FCHO2: variants seen among roughly 807,000 people sequenced by gnomAD.
The protein encoded by FCHO2 is FCH and mu domain containing endocytic adaptor 2.
A neutral mutation model predicts 114.1 loss-of-function variants in FCHO2; 43 were observed. The observed-to-expected ratio is 0.38, with a 90% CI of 0.30 to 0.49. FCHO2 has a LOEUF of 0.49. FCHO2 is among the 20% of genes least tolerant of loss of function. FCHO2 has a pLI of 0.97. For missense variants in FCHO2, 807 were observed against 950.4 expected, an observed-to-expected ratio of 0.85 and a Z score of 1.98; for synonymous variants, 293 against 315.2, an observed-to-expected ratio of 0.93 and a Z score of 0.75.
intron 2 of FCHO2, among the ~76,000 whole-genome samples, chr5:72,971,818 G>A (rs1212453733): frequency 6.6e-6 from 1 of 152,150 alleles, no homozygotes; most frequent in Non-Finnish European, 1.5e-5. Flanking sequence ...TTCTTCTAGG[G>A]TTTTTATGGT....
At chr5:73,083,940 A>C (rs2112896440) in intron 24 of FCHO2, among the ~76,000 whole-genome samples, 1 of 151,866 alleles carries the variant, frequency 6.6e-6, no homozygotes, top group African/African-American at 2.4e-5. Flanking sequence ...AGTTCTCTAA[A>C]AGAACCTTTT....
chr5:72,957,345 A>G (rs879768895), intron 1 of FCHO2, among the ~76,000 whole-genome samples: 1 of 152,182 alleles, frequency 6.6e-6, no homozygotes, highest in Non-Finnish European at 1.5e-5. Flanking sequence ...TCGTTATCCC[A>G]GAAAGAATCC....
intron 5 of FCHO2, among the ~76,000 whole-genome samples, 180 bp from the exon 6 acceptor site, chr5:73,006,265 C>T (rs1376745078): frequency 6.6e-6 from 1 of 152,050 alleles, no homozygotes; most frequent in Non-Finnish European, 1.5e-5. Flanking sequence ...GACTTCTTGG[C>T]TGACTGTAAC....
intron 22 of FCHO2, among the ~76,000 whole-genome samples, chr5:73,080,618 T>C (rs1284920147): frequency 6.6e-6 from 1 of 152,148 alleles, no homozygotes; most frequent in Non-Finnish European, 1.5e-5. Flanking sequence ...TTTCCTACTT[T>C]ATATTTCTCT....
At chr5:73,057,681 C>CTTAAA (rs1486262545) in intron 16 of FCHO2, among the ~76,000 whole-genome samples, 4 of 152,134 alleles carry the variant, frequency 2.6e-5, no homozygotes, top group Admixed American at 2.6e-4. Context: ...TTTTATACCA[C>CTTAAA]TTAAATTTTC....
chr5:73,014,287 C>T (rs58543164), intron 6 of FCHO2, among the ~76,000 whole-genome samples: 9,947 of 147,488 alleles, frequency 0.067, 559 homozygotes, highest in East Asian at 0.34. Flanking sequence ...TCTTTTTTTT[C>T]TTTTTCTTTT....
chr5:73,012,317 A>G (rs549398469), intron 6 of FCHO2, among the ~76,000 whole-genome samples: 2 of 152,248 alleles, frequency 1.3e-5, no homozygotes, highest in South Asian at 4.2e-4. Context: ...GCTCATGACT[A>G]TACTTTTAAA....
chr5:73,052,209 C>T lies in FCHO2; in HGVS notation c.998-123C>T, dbSNP rs1016196375. 24 of 955,906 alleles carry T rather than the reference C, an allele frequency of 2.5e-5. No individual in the cohort carries two copies. The Admixed American group carries it at 2.6e-4, about 10-fold the overall frequency. The allele number at this position is 955,906 out of a possible 1,614,324, so 59.2% of individuals were successfully genotyped here. A position where few individuals can be genotyped will look rare whatever the true frequency, so the allele number is the denominator to read the frequency against. ...AAGTCCTGGGATTACAGGCGTGAGC[C>T]GTCGCACCCGGCCCAAAGTCTGTGT... On this transcript the variant is annotated intron_variant, in intron 12 of 25. Coordinates refer to ENST00000430046, the MANE Select transcript of FCHO2 (RefSeq NM_138782.3).
chr5:72,979,498 TCTC>T (rs1753074918), intron 2 of FCHO2, among the ~76,000 whole-genome samples: 1 of 141,710 alleles, frequency 7.1e-6, no homozygotes, highest in Non-Finnish European at 1.5e-5. Flanking sequence ...TTCACGCCAT[TCTC>T]CTGCCTCAGC....
chr5:73,068,545 C>A, intron 18 of FCHO2, 105 bp from the exon 19 acceptor site: 1 of 1,146,064 alleles, frequency 8.7e-7, no homozygotes, highest in Non-Finnish European at 1.2e-6. Flanking sequence ...GAAACTCACA[C>A]AGTAAATTTG....
intron 5 of FCHO2, chr5:72,997,727 T>C: frequency 6.8e-7 from 1 of 1,467,910 alleles, no homozygotes; most frequent in African/African-American, 1.4e-5. Flanking sequence ...CCCTGTCCAA[T>C]GTGAGGACTG....
chr5:72,968,854 A>G (rs1580007364), intron 2 of FCHO2, among the ~76,000 whole-genome samples: 1 of 152,178 alleles, frequency 6.6e-6, no homozygotes, highest in Non-Finnish European at 1.5e-5. Context: ...TGGATATGCT[A>G]GCAAGGTGAT....
intron 6 of FCHO2, among the ~76,000 whole-genome samples, chr5:73,012,694 C>T (rs1200792598): frequency 6.6e-6 from 1 of 151,682 alleles, no homozygotes; most frequent in Non-Finnish European, 1.5e-5. Context: ...GAGTAAAGTG[C>T]CTATCTAATT....
At chr5:72,975,836 T>A (rs972788354) in intron 2 of FCHO2, among the ~76,000 whole-genome samples, 2 of 152,114 alleles carry the variant, frequency 1.3e-5, no homozygotes, top group African/African-American at 4.8e-5. Context: ...TGAATAATAT[T>A]TTGTTGTCTG....
chr5:72,966,241 C>T (rs529738018), intron 1 of FCHO2, among the ~76,000 whole-genome samples: 72 of 152,232 alleles, frequency 4.7e-4, no homozygotes, highest in African/African-American at 1.5e-3. Context: ...AAACTGAATG[C>T]TATCCAGGTT....
intron 11 of FCHO2, among the ~76,000 whole-genome samples, chr5:73,042,033 T>A (rs1756829527): frequency 6.6e-6 from 1 of 152,178 alleles, no homozygotes; most frequent in Non-Finnish European, 1.5e-5. Flanking sequence ...CCAAAACATT[T>A]TGATCTTTTA....
chr5:73,007,389 T>C lies in FCHO2; in HGVS notation c.600+840T>C, dbSNP rs188044798. Among the ~76,000 whole-genome samples the C allele has an allele frequency of 1.2e-4, 18 of 152,336 alleles. No individual in the cohort carries two copies. In the East Asian group the frequency reaches 2.5e-3, roughly 21 times the overall value. On this transcript the variant is annotated intron_variant, in intron 6 of 25. Coordinates refer to ENST00000430046, the MANE Select transcript of FCHO2 (RefSeq NM_138782.3). Reference sequence around the variant, plus strand: ...TGAAGCACATGAGTTCTTTTACCTATATTTTTTGTCTGTTTTTCTCCACTA... The same window carrying C: ...TGAAGCACATGAGTTCTTTTACCTACATTTTTTGTCTGTTTTTCTCCACTA...
At chr5:73,027,339 A>G (rs533489691) in intron 8 of FCHO2, among the ~76,000 whole-genome samples, 37 of 149,752 alleles carry the variant, frequency 2.5e-4, no homozygotes, top group Admixed American at 1.5e-3. Context: ...ATATACATAT[A>G]GTGACTATTT....
chr5:73,068,923 C>A, intron 19 of FCHO2, 144 bp downstream of exon 19: 2 of 933,746 alleles, frequency 2.1e-6, no homozygotes, highest in Non-Finnish European at 3.0e-6. Flanking sequence ...ATTTATTAAA[C>A]TGTCCATGCT....
Sources: allele counts gnomAD v4.1 joint callset (sites outside exome capture counted in the v4.1 genomes callset), GRCh38; gene constraint gnomAD v4.1.1; transcripts MANE v1.5; gene names NCBI Gene and HGNC (gene_info 2026-07-23, HGNC 2026-07-21).